Variants in LTBP4 observed in about 807,000 individuals in gnomAD.
LTBP4 encodes the protein latent transforming growth factor beta binding protein 4, also known as latent-transforming growth factor beta-binding protein 4.
A neutral mutation model predicts 180.2 loss-of-function variants in LTBP4; 93 were observed. The ratio of observed to expected loss-of-function variants is 0.52; its 90% CI spans 0.44 to 0.61. The LOEUF (loss-of-function observed/expected upper bound fraction) is 0.61, where lower values mean the gene tolerates loss of function less well. LTBP4 is among the 20% of genes least tolerant of loss of function. The pLI, the probability that LTBP4 is intolerant of heterozygous loss-of-function variation, is 0.00. For synonymous variants in LTBP4, 947 were observed against 934.5 expected (o/e 1.01, Z -0.24); for missense variants, 2,116 against 2,256.5 (o/e 0.94, Z 1.26).
chr19:40,618,263 T>G (rs926327110), intron 21 of LTBP4, among the ~76,000 whole-genome samples: 5 of 151,582 alleles, frequency 3.3e-5, no homozygotes, highest in South Asian at 2.1e-4. Context: ...AGATGAGTTT[T>G]TTTTTTTTTT....
chr19:40,602,447 C>T (rs992451329), intron 1 of LTBP4, among the ~76,000 whole-genome samples: 2 of 152,050 alleles, frequency 1.3e-5, no homozygotes, highest in African/African-American at 4.8e-5. Flanking sequence ...CCCCGCAGAC[C>T]CTATGGAGTG....
rs554807010 is a variant in LTBP4 at position 40,605,775 on chromosome 19, G to C, written c.737G>C (p.Arg246Pro). 1.3e-6 allele frequency: 2 copies of C among 1,542,514 alleles called. No homozygotes were observed. The highest frequency in any genetic ancestry group is 1.7e-6 in the Non-Finnish European group (2 of 1,146,772). The part of the protein sequence containing the change: ...PGLRTQEVCC[R>P]GAGLAWGVHD... ...CTCCGGACGCAGGAGGTCTGCTGCC[G>C]AGGGGCCGGCTTGGCCTGGGGCGTT... is the stretch of plus-strand genomic sequence containing the variant. The change falls in exon 4 of 30, where the codon CGA (arginine) becomes CCA (proline). Residue 246 changes from arginine (R) to proline (P), a missense_variant. Transcript: ENST00000396819. The surrounding 1 kb of genome is among the most constrained non-coding windows in gnomAD (Gnocchi z 5.5).
At chr19:40,607,845 C>A (rs1179659930) in intron 7 of LTBP4, among the ~76,000 whole-genome samples, 1 of 152,226 alleles carries the variant, frequency 6.6e-6, no homozygotes, top group South Asian at 2.1e-4. Context: ...TTCTGAGACA[C>A]TGCCTTCAGC....
At chr19:40,623,282 C>A (rs1339293236) in intron 24 of LTBP4, among the ~76,000 whole-genome samples, 1 of 150,774 alleles carries the variant, frequency 6.6e-6, no homozygotes, top group Non-Finnish European at 1.5e-5. Flanking sequence ...TCAAGCGATT[C>A]TCTTGCCTCA....
chr19:40,621,486 G>T (rs2081585852), intron 22 of LTBP4, among the ~76,000 whole-genome samples: 1 of 152,190 alleles, frequency 6.6e-6, no homozygotes. Context: ...AGTATTCATG[G>T]AAGGGTTCTA....
Position 40,605,836 on chromosome 19 carries a change from G to GC in LTBP4, c.793+9dup, listed in dbSNP as rs2081457284. The GC allele has an allele frequency of 6.5e-7, 1 of 1,536,522 alleles. No homozygotes were observed. The highest frequency in any genetic ancestry group is 8.7e-7 in the Non-Finnish European group (1 of 1,146,498). On this transcript the variant is annotated splice_donor_region_variant and intron_variant, in intron 4 of 29. Transcript: ENST00000396819. The surrounding 1 kb of genome is among the most constrained non-coding windows in gnomAD (Gnocchi z 5.5). ...AGCTGTGCTCCGAGCGCCTGGGTAA[G>GC]CCCCAGGACGTCCCCGAAGTGCTCG...
chr19:40,610,896 A>C, intron 12 of LTBP4: 1 of 724,714 alleles, frequency 1.4e-6, no homozygotes, highest in Non-Finnish European at 2.2e-6. Flanking sequence ...GGAGGGATGG[A>C]GATGTCAGTA....
intron 6 of LTBP4, among the ~76,000 whole-genome samples, chr19:40,606,953 G>C (rs917114472): frequency 9.9e-5 from 15 of 152,134 alleles, no homozygotes; most frequent in Admixed American, 9.8e-4. Flanking sequence ...GTTTCGCCAC[G>C]TTGGCCAGGC....
chr19:40,619,625 A>T, intron 22 of LTBP4, 132 bp downstream of exon 22: 1 of 1,012,458 alleles, frequency 9.9e-7, no homozygotes, highest in Non-Finnish European at 1.4e-6. Flanking sequence ...AAGACACATA[A>T]GTTAACATGG....
At chr19:40,604,350 A>G (rs1318900902) in intron 1 of LTBP4, among the ~76,000 whole-genome samples, 2 of 151,988 alleles carry the variant, frequency 1.3e-5, no homozygotes. Flanking sequence ...CGAAGGAGAC[A>G]GAGTTGGGCG....
chr19:40,604,302 G>C (rs956048237), intron 1 of LTBP4, among the ~76,000 whole-genome samples: 1 of 152,086 alleles, frequency 6.6e-6, no homozygotes. Context: ...GTAGGACTTC[G>C]TGGACCAAGC....
intron 22 of LTBP4, among the ~76,000 whole-genome samples, chr19:40,620,996 C>T (rs894335045): frequency 1.6e-4 from 24 of 151,492 alleles, no homozygotes; most frequent in African/African-American, 5.3e-4. Context: ...GGCTAGAGTG[C>T]AGTGGCGTGA....
In LTBP4 at chr19:40,606,384, G is replaced by T. The variant is rs758659344; in HGVS notation, c.869-20G>T. The T allele has an allele frequency of 6.2e-7, 1 of 1,607,072 alleles. No homozygotes were observed. The highest frequency in any genetic ancestry group is 1.1e-5 in the South Asian group (1 of 89,770). ...GGGATCAAGTTCCTGACTCCACGGTGACCTCCCCAACCCTGGCAGATGTGG... is the reference window on the plus strand; with the variant it reads ...GGGATCAAGTTCCTGACTCCACGGTTACCTCCCCAACCCTGGCAGATGTGG... On this transcript the variant is annotated intron_variant, in intron 5 of 29. Transcript: ENST00000396819.
upstream of LTBP4, among the ~76,000 whole-genome samples, chr19:40,601,098 C>T (rs1381829077): frequency 2.6e-5 from 4 of 152,042 alleles, no homozygotes; most frequent in Non-Finnish European, 5.9e-5. Context: ...CGCCCGCCCC[C>T]ACCTGTTCCC....
At position 40,605,391 on chromosome 19, in the gene LTBP4, C is replaced by T. The variant is rs375934176; in HGVS notation, c.443-14C>T. Reference sequence around the variant, plus strand: ...CCGTGTAGACATCCGTTTGCCCGGCCGTGCCTCCCCTAGGCGTGGCATCTA... The same window carrying T: ...CCGTGTAGACATCCGTTTGCCCGGCTGTGCCTCCCCTAGGCGTGGCATCTA... On this transcript the variant is annotated splice_polypyrimidine_tract_variant and intron_variant, in intron 2 of 29. Coordinates refer to ENST00000396819, the MANE Select transcript of LTBP4 (RefSeq NM_001042545.2). This position sits in a 1 kb window ranked among gnomAD's most constrained non-coding sequence, Gnocchi z 5.5. 5.3e-5 allele frequency: 86 copies of T among 1,612,442 alleles called. No individual in the cohort carries two copies. In the Admixed American group the frequency reaches 6.0e-4, roughly 11 times the overall value.
At chr19:40,597,266 C>T, upstream of LTBP4, 2 of 1,512,016 alleles carry the variant, frequency 1.3e-6, no homozygotes, top group Non-Finnish European at 1.8e-6. Flanking sequence ...GGCCGCCGCC[C>T]CCTCCTGCTG....
chr19:40,603,165 G>A (rs2081435981), intron 1 of LTBP4, among the ~76,000 whole-genome samples: 1 of 152,160 alleles, frequency 6.6e-6, no homozygotes, highest in Non-Finnish European at 1.5e-5. Context: ...AGATAACTCT[G>A]TAGTATTGTC....
Position 40,622,455 on chromosome 19 carries a change from GGCCACCTCC to G in LTBP4, c.3279_3287del (p.Pro1094_Pro1096del), listed in dbSNP as rs771415996. 8 of 1,600,572 alleles carry G rather than the reference GGCCACCTCC, an allele frequency of 5.0e-6. No homozygotes were observed. The South Asian group carries it at 8.9e-5, about 18-fold the overall frequency. On this transcript the variant is annotated inframe_deletion, in exon 23 of 30. Transcript: ENST00000396819. This position sits in a 1 kb window ranked among gnomAD's most constrained non-coding sequence, Gnocchi z 5.1. Reference sequence around the variant, plus strand: ...CCTGCTAGCCCCGTTCTGCCCGCCAGGCCACCTCCGCCACCCCTGCCCCGCCGACCCAGC... The same window carrying G: ...CCTGCTAGCCCCGTTCTGCCCGCCAGGCCACCCCTGCCCCGCCGACCCAGC...
At position 40,622,249 on chromosome 19, in the gene LTBP4, CAG is replaced by C. The variant is rs2081590864; in HGVS notation, c.3218-149_3218-148del. On this transcript the variant is annotated intron_variant, in intron 22 of 29. Coordinates refer to ENST00000396819, the MANE Select transcript of LTBP4 (RefSeq NM_001042545.2). This position sits in a 1 kb window ranked among gnomAD's most constrained non-coding sequence, Gnocchi z 5.1. ...ACAGTGGGAGAAAGAGAAACAGTGA[CAG>C]AGGAGCGTGAGAGGTGTGGAGTCTG... The C allele has an allele frequency of 2.6e-6, 2 of 765,978 alleles. No homozygotes were observed. The highest frequency in any genetic ancestry group is 6.2e-5 in the Admixed American group (2 of 32,216). 47.4% of individuals were successfully genotyped at this position (765,978 alleles called of 1,614,324 possible).
Sources: allele counts gnomAD v4.1 joint callset (sites outside exome capture counted in the v4.1 genomes callset), GRCh38; gene constraint gnomAD v4.1.1; non-coding constraint Gnocchi (gnomAD v3.1); transcripts MANE v1.5; gene names NCBI Gene and HGNC (gene_info 2026-07-23, HGNC 2026-07-21).